The following LYPD5 variants were observed in gnomAD, a reference collection of about 807,000 sequenced individuals.
LYPD5 encodes the protein LY6/PLAUR domain containing 5, also known as ly6/PLAUR domain-containing protein 5.
LYPD5 carries 21 observed loss-of-function variants against 19.1 expected under a neutral mutation model. The observed-to-expected ratio is 1.10, with a 90% confidence interval of 0.78 to 1.58. The LOEUF is 1.58. Among genes scored for constraint, LYPD5 ranks in the 40% most tolerant of loss-of-function variants. The probability of loss-of-function intolerance (pLI) is 0.00; values close to 1 mark genes in which losing one functional copy is unlikely to be tolerated. For synonymous variants in LYPD5, 128 were observed against 142.7 expected, an observed-to-expected ratio of 0.90 and a Z score of 0.74; for missense variants, 287 against 329.8, an observed-to-expected ratio of 0.87 and a Z score of 1.00.
Position 43,799,805 on chromosome 19 carries a change from C to G in LYPD5, c.94G>C (p.Glu32Gln). The G allele has an allele frequency of 6.2e-7, 1 of 1,613,478 alleles. No individual in the cohort carries two copies. Among genetic ancestry groups the G allele is most frequent in the Non-Finnish European group, 8.5e-7 (1 of 1,179,802 alleles). ...TCAAAGGGGCCAAAGTAGGTGTGCTCAAAGCTGTAGCACTGCAGGGCTTGG... is the reference window on the plus strand; with the variant it reads ...TCAAAGGGGCCAAAGTAGGTGTGCTGAAAGCTGTAGCACTGCAGGGCTTGG... ...GSQALQCYSF[E>Q]HTYFGPFDLR... is the part of the protein sequence containing the mutation. Residue 32 changes from glutamate to glutamine, a missense_variant, in exon 2 of 5, where the codon GAG becomes CAG. Physicochemically the swap from Glu to Gln is conservative, Grantham distance 29. Transcript: ENST00000377950.
chr19:43,811,016 G>T (rs1970319083), intron 1 of LYPD5, among the ~76,000 whole-genome samples: 1 of 152,166 alleles, frequency 6.6e-6, no homozygotes, highest in Non-Finnish European at 1.5e-5. Context: ...CAGCATTTGT[G>T]TAGTTTCTAA....
intron 1 of LYPD5, 177 bp from the exon 2 acceptor site, chr19:43,800,011 G>A (rs1970202580): frequency 1.4e-6 from 1 of 689,876 alleles, no homozygotes; most frequent in Non-Finnish European, 2.3e-6. Context: ...CTGTCTCATG[G>A]CAGAGTAATG....
chr19:43,820,599 G>A (rs1970410955), exon 1 of LYPD5: 1 of 152,334 alleles, frequency 6.6e-6, no homozygotes, highest in Non-Finnish European at 1.5e-5. Context: ...CTGCTTCGAT[G>A]TCTCCTTCCG....
chr19:43,797,773 C>G lies in LYPD5; in HGVS notation c.574G>C (p.Glu192Gln). The change falls in exon 5 of 5, where the codon GAG becomes CAG. Residue 192 changes from glutamate to glutamine, a missense_variant. Glu to Gln is a conservative substitution (Grantham distance 29). Coordinates refer to ENST00000377950, the MANE Select transcript of LYPD5 (RefSeq NM_001031749.3). The part of the protein sequence containing the change: ...RTCHRPSCTT[E>Q]GTTSPWTAID... ...GCTGTCCAGGGGCTGGTGGTGCCCT[C>G]GGTGGTGCAGGAGGGCCGGTGGCAG... 1 of 1,613,778 alleles carries G rather than the reference C, an allele frequency of 6.2e-7. No individual in the cohort carries two copies. Among genetic ancestry groups the G allele is most frequent in the Non-Finnish European group, 8.5e-7 (1 of 1,179,898 alleles).
At chr19:43,806,132 C>A (rs537604720), upstream of LYPD5, among the ~76,000 whole-genome samples, 1 of 152,102 alleles carries the variant, frequency 6.6e-6, no homozygotes, top group Non-Finnish European at 1.5e-5. Flanking sequence ...AGGAGGTGAG[C>A]GGTGGGTGAG....
rs1599691949 is a variant in LYPD5 at position 43,797,764 on chromosome 19, T to G, written c.583A>C (p.Thr195Pro). 1 of 1,613,852 alleles carries G rather than the reference T, an allele frequency of 6.2e-7. No homozygotes were observed. ...HRPSCTTEGTTSPWTAIDLQG... is the reference protein window; with the variant it reads ...HRPSCTTEGTPSPWTAIDLQG... The stretch of plus-strand genomic sequence containing the variant: ...AGGTCGATGGCTGTCCAGGGGCTGG[T>G]GGTGCCCTCGGTGGTGCAGGAGGGC... The change falls in exon 5 of 5, where the codon ACC (threonine) becomes CCC (proline). Residue 195 changes from threonine to proline, a missense_variant. Transcript: ENST00000377950.
chr19:43,814,816 A>G (rs556218522), intron 1 of LYPD5, among the ~76,000 whole-genome samples: 1 of 152,326 alleles, frequency 6.6e-6, no homozygotes, highest in African/African-American at 2.4e-5. Flanking sequence ...ATCTCTTACA[A>G]TGAATTAATA....
intron 1 of LYPD5, among the ~76,000 whole-genome samples, chr19:43,810,923 C>A (rs1035361996): frequency 6.6e-6 from 1 of 152,044 alleles, no homozygotes; most frequent in Admixed American, 6.6e-5. Context: ...AGCCACTGCG[C>A]CCAGCCTAAC....
intron 1 of LYPD5, among the ~76,000 whole-genome samples, chr19:43,815,436 C>T (rs547702824): frequency 6.6e-6 from 1 of 151,804 alleles, no homozygotes; most frequent in African/African-American, 2.4e-5. Context: ...TAGCTGTGCA[C>T]GGTGGCATGT....
chr19:43,807,811 C>T (rs1970284962), intron 1 of LYPD5, among the ~76,000 whole-genome samples: 1 of 152,186 alleles, frequency 6.6e-6, no homozygotes, highest in African/African-American at 2.4e-5. Flanking sequence ...TGGCACTGGG[C>T]TTCTGGGTTC....
upstream of LYPD5, chr19:43,802,541 A>ATTTTTG: frequency 1.3e-5 from 6 of 468,294 alleles, no homozygotes; most frequent in South Asian, 7.7e-5. Context: ...ATCGTGATGG[A>ATTTTTG]AACAGGGTGA....
At chr19:43,815,316 G>T (rs999342684) in intron 1 of LYPD5, among the ~76,000 whole-genome samples, 3 of 151,812 alleles carry the variant, frequency 2.0e-5, no homozygotes, top group African/African-American at 7.3e-5. Flanking sequence ...GCCAGCCTGG[G>T]CAATATAGTG....
rs191784052 is a variant in LYPD5 at position 43,797,455 on chromosome 19, C to T, written c.*136G>A. 33 of 751,982 alleles carry T rather than the reference C, an allele frequency of 4.4e-5. No individual in the cohort carries two copies. The highest frequency in any genetic ancestry group is 3.1e-4 in the African/African-American group (18 of 57,390). The allele number at this position is 751,982 out of a possible 1,614,324, so 46.6% of individuals were successfully genotyped here. ...TTGGCCAGGTTGTGGGGCACAAGGG[C>T]GGGAGAGATGGAAGGCCAGAGGGAC... On this transcript the variant is annotated 3_prime_UTR_variant, in exon 5 of 5. Transcript: ENST00000377950.
intron 1 of LYPD5, among the ~76,000 whole-genome samples, chr19:43,813,589 G>C (rs561007184): frequency 6.6e-6 from 1 of 152,334 alleles, no homozygotes; most frequent in East Asian, 1.9e-4. Context: ...ACCAGCATGG[G>C]GCTGGCTGAG....
intron 1 of LYPD5, among the ~76,000 whole-genome samples, chr19:43,813,879 G>T (rs1260516201): frequency 6.6e-6 from 1 of 152,054 alleles, no homozygotes; most frequent in Non-Finnish European, 1.5e-5. Flanking sequence ...GCAGAGATGG[G>T]GTTTCACCAT....
In LYPD5 at chr19:43,798,961, C is replaced by T. The variant is rs191656565; in HGVS notation, c.221G>A (p.Arg74Gln). ...TGYRAPVTLVRKGCWTGPPAG... is the reference protein window; with the variant it reads ...TGYRAPVTLVQKGCWTGPPAG... The stretch of plus-strand genomic sequence containing the variant: ...AGGAGGCCCGGTCCAGCAGCCCTTC[C>T]GCACCAGGGTCACCGGCGCGCGATA... Residue 74 changes from arginine (R) to glutamine (Q), a missense_variant, in exon 3 of 5, where the codon CGG becomes CAG. By Grantham distance (43) the Arg-to-Gln change is conservative (BLOSUM62 1). Transcript: ENST00000377950. 4 of 1,582,246 alleles carry T rather than the reference C, an allele frequency of 2.5e-6. No individual in the cohort carries two copies. In the East Asian group the frequency reaches 6.9e-5, roughly 27 times the overall value.
At chr19:43,816,501 T>C (rs981094614) in intron 1 of LYPD5, among the ~76,000 whole-genome samples, 1 of 152,240 alleles carries the variant, frequency 6.6e-6, no homozygotes, top group African/African-American at 2.4e-5. Context: ...CACACATGAA[T>C]GGCTTTTAAT....
At chr19:43,802,058 G>A (rs1296753239) in intron 1 of LYPD5, among the ~76,000 whole-genome samples, 1 of 152,158 alleles carries the variant, frequency 6.6e-6, no homozygotes, top group Non-Finnish European at 1.5e-5. Context: ...GAAGAACAAA[G>A]GCAGGGAAGA....
chr19:43,814,110 T>G (rs1024640283), intron 1 of LYPD5, among the ~76,000 whole-genome samples: 7 of 152,202 alleles, frequency 4.6e-5, no homozygotes, highest in African/African-American at 1.7e-4. Flanking sequence ...CCAGTCTCAT[T>G]CCTTACAAGA....
Sources: allele counts gnomAD v4.1 joint callset (sites outside exome capture counted in the v4.1 genomes callset), GRCh38; gene constraint gnomAD v4.1.1; transcripts MANE v1.5; gene names NCBI Gene and HGNC (gene_info 2026-07-23, HGNC 2026-07-21).